PLOD2: variants seen among roughly 807,000 people sequenced by gnomAD.
PLOD2 encodes procollagen-lysine,2-oxoglutarate 5-dioxygenase 2.
PLOD2 carries 65 observed loss-of-function variants against 101.0 expected under a neutral mutation model. The observed-to-expected ratio is 0.64, with a 90% CI of 0.53 to 0.79. The LOEUF is 0.79. Ranked by LOEUF, PLOD2 falls within the 30% of genes least tolerant of loss-of-function variation. The pLI is 0.00. For missense variants in PLOD2, 909 were observed against 914.6 expected (o/e 0.99, Z 0.08); for synonymous variants, 314 against 302.9 (o/e 1.04, Z -0.38).
intron 15 of PLOD2, among the ~76,000 whole-genome samples, chr3:146,075,572 A>G (rs1936304173): frequency 6.6e-6 from 1 of 151,500 alleles, no homozygotes; most frequent in Admixed American, 6.6e-5. Flanking sequence ...TGCTGAATCA[A>G]TCAGCTTTCT....
chr3:146,123,740 T>A (rs1487362580), intron 2 of PLOD2, among the ~76,000 whole-genome samples: 1 of 123,854 alleles, frequency 8.1e-6, no homozygotes, highest in African/African-American at 3.1e-5. Context: ...TATATGCAAA[T>A]ACATATTAAC....
At chr3:146,104,244 G>C (rs759541873) in intron 6 of PLOD2, 35 bp downstream of exon 6, 2 of 1,262,834 alleles carry the variant, frequency 1.6e-6, no homozygotes, top group Non-Finnish European at 2.3e-6. Context: ...GTGTTTGTTT[G>C]TATACGTAAG....
chr3:146,096,031 C>T (rs1423842445), intron 7 of PLOD2, among the ~76,000 whole-genome samples: 1 of 147,632 alleles, frequency 6.8e-6, no homozygotes, highest in African/African-American at 2.5e-5. Flanking sequence ...CGATTGCAGG[C>T]GCGCGCCGCC....
intron 11 of PLOD2, among the ~76,000 whole-genome samples, chr3:146,082,434 AT>A: frequency 6.6e-6 from 1 of 152,324 alleles, no homozygotes; most frequent in African/African-American, 2.4e-5. Flanking sequence ...ATGACTTGTG[AT>A]TACAGTAAGC....
At chr3:146,124,684 T>A (rs2030442809) in intron 1 of PLOD2, among the ~76,000 whole-genome samples, 1 of 152,102 alleles carries the variant, frequency 6.6e-6, no homozygotes, top group South Asian at 2.1e-4. Flanking sequence ...GATACAATCA[T>A]TAAATCTGAT....
chr3:146,071,520 TA>T, intron 17 of PLOD2, 97 bp from the exon 18 acceptor site: 1 of 1,148,774 alleles, frequency 8.7e-7, no homozygotes, highest in Non-Finnish European at 1.3e-6. Context: ...TAATAGACAA[TA>T]AAAATAACAG....
At chr3:146,100,568 G>A (rs1200527654) in intron 7 of PLOD2, among the ~76,000 whole-genome samples, 1 of 149,978 alleles carries the variant, frequency 6.7e-6, no homozygotes, top group Non-Finnish European at 1.5e-5. Flanking sequence ...GTGGGAATTA[G>A]GGGGAGAGGA....
chr3:146,160,199 A>G (rs574233237), intron 1 of PLOD2, among the ~76,000 whole-genome samples: 8 of 152,218 alleles, frequency 5.3e-5, no homozygotes, highest in Non-Finnish European at 1.2e-4. Context: ...ACTCTCTTTA[A>G]TCTGGCTAAA....
chr3:146,132,766 G>A (rs907924501), intron 1 of PLOD2, among the ~76,000 whole-genome samples: 2 of 152,122 alleles, frequency 1.3e-5, no homozygotes, highest in Admixed American at 6.5e-5. Flanking sequence ...CTTTCAAAAT[G>A]CTATGAAAGC....
chr3:146,095,852 ACCCTCTCCCCTCTCCCCTCTC>A (rs1161771294), intron 7 of PLOD2, among the ~76,000 whole-genome samples: 1,690 of 73,588 alleles, frequency 0.023, 63 homozygotes, highest in African/African-American at 0.076. Flanking sequence ...TGTGGCATAT[ACCCTCTCCCCTCTCCCCTCTC>A]CCCTCTCCCC....
intron 14 of PLOD2, 163 bp downstream of exon 14, chr3:146,077,699 T>C (rs1936394062): frequency 1.3e-5 from 7 of 554,610 alleles, no homozygotes; most frequent in Middle Eastern, 4.9e-4. Flanking sequence ...ACAAGACCCA[T>C]GCCCAAGTCA....
At chr3:146,158,794 T>C (rs917807685) in intron 1 of PLOD2, among the ~76,000 whole-genome samples, 3 of 152,108 alleles carry the variant, frequency 2.0e-5, no homozygotes, top group Non-Finnish European at 4.4e-5. Flanking sequence ...TGGCTCAAAA[T>C]GTCAATAGGG....
chr3:146,122,070 A>G lies in PLOD2; in HGVS notation c.202-822T>C, dbSNP rs548310040. Among the ~76,000 whole-genome samples, 194 of 152,314 alleles carry G rather than the reference A, an allele frequency of 1.3e-3. 1 individual carries two copies. The highest frequency in any genetic ancestry group is 4.4e-3 in the African/African-American group (183 of 41,574). On this transcript the variant is annotated intron_variant, in intron 2 of 19. Transcript: ENST00000282903. ...ATGGAGAATGAAATTAAAAATAAAC[A>G]CACAAGAAAAGGATAAAATAAAATT...
chr3:146,089,002 T>C (rs1021509597), intron 8 of PLOD2, among the ~76,000 whole-genome samples: 3 of 151,620 alleles, frequency 2.0e-5, no homozygotes, highest in African/African-American at 7.2e-5. Context: ...ACACTACTAG[T>C]CAGTGCTTCC....
At position 146,160,365 on chromosome 3, in the gene PLOD2, C is replaced by T. The variant is rs937762867; in HGVS notation, c.109+516G>A. On this transcript the variant is annotated intron_variant, in intron 1 of 19. Coordinates refer to ENST00000282903, the MANE Select transcript of PLOD2 (RefSeq NM_182943.3). Reference sequence around the variant, plus strand: ...CTGGAGGTACTGGGTAGCCAGGCAGCCTTACTGAAAACAACTAAGGTTTTC... The same window carrying T: ...CTGGAGGTACTGGGTAGCCAGGCAGTCTTACTGAAAACAACTAAGGTTTTC... 5.9e-5 allele frequency among the ~76,000 whole-genome samples: 9 copies of T among 152,292 alleles called. No individual in the cohort carries two copies. The South Asian group carries it at 1.0e-3, about 18-fold the overall frequency.
intron 13 of PLOD2, among the ~76,000 whole-genome samples, chr3:146,078,612 T>C (rs533148628): frequency 6.6e-6 from 1 of 152,030 alleles, no homozygotes; most frequent in East Asian, 1.9e-4. Context: ...ACTATGTATC[T>C]CAACACTTCT....
chr3:146,132,693 T>C (rs1196463169), intron 1 of PLOD2, among the ~76,000 whole-genome samples: 1 of 152,154 alleles, frequency 6.6e-6, no homozygotes, highest in Admixed American at 6.5e-5. Flanking sequence ...TAGTGAATGT[T>C]TGACAAATTT....
At position 146,110,405 on chromosome 3, in the gene PLOD2, T is replaced by C. The variant is rs200569129; in HGVS notation, c.382A>G (p.Lys128Glu). 1,317 of 1,613,664 alleles carry C rather than the reference T, an allele frequency of 8.2e-4. 1 individual carries two copies. Among genetic ancestry groups the C allele is most frequent in the Middle Eastern group, 2.8e-3 (17 of 6,056 alleles). Residue 128 changes from lysine to glutamate, a missense_variant, in exon 4 of 20, where the codon AAA becomes GAA. Lys to Glu is a moderately conservative substitution (Grantham distance 56). Transcript: ENST00000282903. ...FAGGPEEVLKKFQKANHKVVF... is the reference protein window; with the variant it reads ...FAGGPEEVLKEFQKANHKVVF... ...ACTTTGTGGTTTGCCTTTTGGAATT[T>C]TTTTAGAACTTCTTCTGGACCACCA...
chr3:146,153,270 A>G (rs1489344449), intron 1 of PLOD2, among the ~76,000 whole-genome samples: 1 of 152,224 alleles, frequency 6.6e-6, no homozygotes, highest in Admixed American at 6.5e-5. Flanking sequence ...CTTTTTTCAA[A>G]AAGAAATAAT....
Sources: gnomAD v4.1 joint callset for allele counts (sites outside exome capture counted in the v4.1 genomes callset) on GRCh38, gnomAD v4.1.1 for gene constraint, MANE v1.5 for transcripts, NCBI Gene and HGNC (gene_info 2026-07-23, HGNC 2026-07-21) for gene names.